ZNF521: variants seen among roughly 807,000 people sequenced by gnomAD.
The protein encoded by ZNF521 is zinc finger protein 521.
Under a neutral mutation model 105.5 loss-of-function variants are expected in ZNF521, and 14 were observed. The observed-to-expected ratio is 0.13, with a 90% CI of 0.09 to 0.21. The LOEUF (loss-of-function observed/expected upper bound fraction) is 0.21. Among genes scored for constraint, ZNF521 ranks in the 10% least tolerant of loss-of-function variants. The pLI is 1.00. For missense variants in ZNF521, 1,233 were observed against 1,629.7 expected (o/e 0.76, Z 4.19); for synonymous variants, 635 against 606.0 (o/e 1.05, Z -0.70).
chr18:25,264,784 A>G (rs942131180), intron 3 of ZNF521, among the ~76,000 whole-genome samples: 1 of 152,190 alleles, frequency 6.6e-6, no homozygotes, highest in Non-Finnish European at 1.5e-5. Context: ...AGGAACTCTG[A>G]TTAGATACTT....
intron 2 of ZNF521, among the ~76,000 whole-genome samples, chr18:25,338,367 C>T (rs996168400): frequency 6.7e-6 from 1 of 150,170 alleles, no homozygotes; most frequent in East Asian, 2.0e-4. Context: ...GAAAAAAGTG[C>T]TAGTAGACAT....
chr18:25,115,274 A>T (rs2144318465), intron 5 of ZNF521, among the ~76,000 whole-genome samples: 1 of 152,320 alleles, frequency 6.6e-6, no homozygotes, highest in African/African-American at 2.4e-5. Flanking sequence ...ACTTCTTTCC[A>T]TGATTTCATT....
At chr18:25,107,141 C>A (rs187150617) in intron 5 of ZNF521, among the ~76,000 whole-genome samples, 1 of 152,328 alleles carries the variant, frequency 6.6e-6, no homozygotes, top group East Asian at 1.9e-4. Context: ...TTAATCCTTG[C>A]CTTCGTCAAA....
chr18:25,338,087 C>T (rs1913989573), intron 2 of ZNF521, among the ~76,000 whole-genome samples: 1 of 152,130 alleles, frequency 6.6e-6, no homozygotes, highest in Non-Finnish European at 1.5e-5. Context: ...TACATTACCC[C>T]AGCTAGCTAT....
chr18:25,227,465 G>A lies in ZNF521; in HGVS notation c.453C>T (p.Cys151=). The A allele has an allele frequency of 6.2e-7, 1 of 1,614,118 alleles. No individual in the cohort carries two copies. The highest frequency in any genetic ancestry group is 8.5e-7 in the Non-Finnish European group (1 of 1,180,026). Residue 151 remains cysteine, a synonymous_variant, in exon 4 of 8, where the codon TGC becomes TGT. Coordinates refer to ENST00000361524, the MANE Select transcript of ZNF521 (RefSeq NM_015461.3). This position sits in a 1 kb window ranked among gnomAD's most constrained non-coding sequence, Gnocchi z 5.7. The part of the protein sequence containing the change: ...SDKLPFKCTY[C]SRLFKHKRSR... ...TGCGCTTGTGTTTGAACAGCCTACT[G>A]CAGTAGGTGCATTTGAAAGGCAGTT...
chr18:25,350,788 C>T (rs1953140521), intron 2 of ZNF521, 119 bp downstream of exon 2: 2 of 1,145,242 alleles, frequency 1.7e-6, no homozygotes, highest in Non-Finnish European at 1.2e-6. Flanking sequence ...CGCGCGCGCC[C>T]CCGCACTCAC....
intron 5 of ZNF521, among the ~76,000 whole-genome samples, chr18:25,142,563 G>C (rs772369513): frequency 6.6e-6 from 1 of 152,018 alleles, no homozygotes; most frequent in South Asian, 2.1e-4. Flanking sequence ...TGATGACAAG[G>C]AGAATAGTAC....
At chr18:25,129,402 A>T (rs2034599112) in intron 5 of ZNF521, among the ~76,000 whole-genome samples, 2 of 151,770 alleles carry the variant, frequency 1.3e-5, no homozygotes, top group Non-Finnish European at 2.9e-5. Flanking sequence ...GACAACAGGA[A>T]AATCTAGGTA....
chr18:25,098,343 C>T (rs2033895729), intron 5 of ZNF521, among the ~76,000 whole-genome samples: 1 of 152,044 alleles, frequency 6.6e-6, no homozygotes, highest in African/African-American at 2.4e-5. Flanking sequence ...TCCTTCTTTT[C>T]TTCTTCACAT....
intron 4 of ZNF521, among the ~76,000 whole-genome samples, chr18:25,203,753 T>C (rs78747711): frequency 0.011 from 1,730 of 152,296 alleles, 20 homozygotes; most frequent in African/African-American, 0.039. Context: ...AAAAAACCTA[T>C]AGATACTTGT....
chr18:25,092,776 T>C (rs2033773245), intron 5 of ZNF521, among the ~76,000 whole-genome samples: 1 of 152,208 alleles, frequency 6.6e-6, no homozygotes, highest in African/African-American at 2.4e-5. Flanking sequence ...TTTTCTTGGA[T>C]ATCTTAAGAA....
intron 3 of ZNF521, among the ~76,000 whole-genome samples, chr18:25,316,594 T>C (rs535404193): frequency 6.6e-6 from 1 of 152,252 alleles, no homozygotes; most frequent in South Asian, 2.1e-4. Context: ...CAAGTGTCTT[T>C]AATCTTTTCC....
rs147824147 is a variant in ZNF521 at position 25,104,611 on chromosome 18, C to T, written c.3659-12530G>A. On this transcript the variant is annotated intron_variant, in intron 5 of 7. Coordinates refer to ENST00000361524, the MANE Select transcript of ZNF521 (RefSeq NM_015461.3). ...GGAAAGCAGTAGCAATGTTTGGTTCCTTAAAGACAAAGATTAGCATGAGGA... is the reference window on the plus strand; with the variant it reads ...GGAAAGCAGTAGCAATGTTTGGTTCTTTAAAGACAAAGATTAGCATGAGGA... 3.0e-4 allele frequency among the ~76,000 whole-genome samples: 46 copies of T among 152,260 alleles called. No homozygotes were observed. The East Asian group carries it at 8.1e-3, about 27-fold the overall frequency.
chr18:25,329,467 C>G (rs1416688153), intron 2 of ZNF521, among the ~76,000 whole-genome samples: 2 of 152,166 alleles, frequency 1.3e-5, no homozygotes. Flanking sequence ...AGTTGGGCTA[C>G]ATTTTGAAGG....
chr18:25,088,142 G>A (rs1336849397), intron 7 of ZNF521, among the ~76,000 whole-genome samples: 1 of 151,914 alleles, frequency 6.6e-6, no homozygotes. Context: ...AAAATTAACT[G>A]CAACCCTCAT....
intron 5 of ZNF521, among the ~76,000 whole-genome samples, chr18:25,126,003 T>C (rs1360067512): frequency 2.0e-5 from 3 of 152,162 alleles, no homozygotes; most frequent in East Asian, 3.9e-4. Flanking sequence ...ATAAATGTTA[T>C]GTTTGCCTTT....
At chr18:25,114,193 A>C (rs1600049044) in intron 5 of ZNF521, among the ~76,000 whole-genome samples, 1 of 152,278 alleles carries the variant, frequency 6.6e-6, no homozygotes, top group East Asian at 1.9e-4. Flanking sequence ...AAAGCTGATG[A>C]ATGAATGCCC....
At chr18:25,285,857 A>C (rs12606502) in intron 3 of ZNF521, among the ~76,000 whole-genome samples, 152,331 of 152,350 alleles carry the variant, frequency 1, 76,156 homozygotes, top group Non-Finnish European at 1. Flanking sequence ...ATGTATCAGG[A>C]CTGCCACCCT....
At chr18:25,260,409 T>C (rs1908825873) in intron 3 of ZNF521, among the ~76,000 whole-genome samples, 2 of 151,834 alleles carry the variant, frequency 1.3e-5, no homozygotes, top group African/African-American at 4.8e-5. Flanking sequence ...ATATAAAGTA[T>C]GGGTGGGGTG....
Sources: gnomAD v4.1 joint callset for allele counts (sites outside exome capture counted in the v4.1 genomes callset) on GRCh38, gnomAD v4.1.1 for gene constraint, Gnocchi (gnomAD v3.1) non-coding constraint, MANE v1.5 for transcripts, NCBI Gene and HGNC (gene_info 2026-07-23, HGNC 2026-07-21) for gene names.